The following SRSF10 variants were observed in gnomAD, a reference collection of about 807,000 sequenced individuals.
SRSF10 encodes the protein serine/arginine-rich splicing factor 10.
SRSF10 carries 9 observed loss-of-function variants against 32.6 expected under a neutral mutation model. The observed-to-expected ratio is 0.28, with a 90% CI of 0.17 to 0.48. SRSF10 has a LOEUF of 0.48. Among genes scored for constraint, SRSF10 ranks in the 20% least tolerant of loss-of-function variants. SRSF10 has a pLI of 0.99. For synonymous variants in SRSF10, 105 were observed against 112.4 expected (o/e 0.93, Z 0.42); for missense variants, 201 against 331.8 (o/e 0.61, Z 3.06).
chr1:23,976,783 C>T (rs1642119071), intron 2 of SRSF10: 1 of 152,202 alleles, frequency 6.6e-6, no homozygotes, highest in African/African-American at 2.4e-5. Context: ...CCGAGTATCA[C>T]TCTGATGTCA....
At chr1:23,978,130 C>CT in intron 2 of SRSF10, 3 of 985,270 alleles carry the variant, frequency 3.0e-6, no homozygotes, top group Non-Finnish European at 3.6e-6. Flanking sequence ...TTTATTTTTT[C>CT]TTTTCCCAAA....
At position 23,969,021 on chromosome 1, in the gene SRSF10, T is replaced by C. The variant is rs1257834277; in HGVS notation, c.*2121A>G. The C allele has an allele frequency of 2.8e-6, 2 of 722,324 alleles. No homozygotes were observed. The allele number at this position is 722,324 out of a possible 1,614,324, so 44.7% of individuals were successfully genotyped here. A position where few individuals can be genotyped will look rare whatever the true frequency, so the allele number is the denominator to read the frequency against. On this transcript the variant is annotated 3_prime_UTR_variant, in exon 6 of 6. Coordinates refer to ENST00000492112, the MANE Select transcript of SRSF10 (RefSeq NM_054016.4). ...AAATATTCCTAAATCTATAAAGGAC[T>C]GTTTCCATTGTTATTTTAGAATCAT...
intron 3 of SRSF10, 116 bp from the exon 4 acceptor site, chr1:23,972,128 G>A: frequency 1.1e-6 from 1 of 897,508 alleles, no homozygotes; most frequent in Non-Finnish European, 1.5e-6. Context: ...GAGTATGTAT[G>A]ACCCGGGTGG....
chr1:23,979,774 C>T (rs1642335128), intron 1 of SRSF10, among the ~76,000 whole-genome samples: 1 of 150,184 alleles, frequency 6.7e-6, no homozygotes, highest in Non-Finnish European at 1.5e-5. Flanking sequence ...CCCTCGATCC[C>T]GTTATTTCAT....
Position 23,971,311 on chromosome 1 carries a change from C to G in SRSF10, c.620G>C (p.Gly207Ala). 1.2e-6 allele frequency: 2 copies of G among 1,613,298 alleles called. No individual in the cohort carries two copies. The highest frequency in any genetic ancestry group is 2.2e-5 in the South Asian group (2 of 91,038). The change falls in exon 6 of 6, where the codon GGC (glycine) becomes GCC (alanine). Residue 207 changes from glycine to alanine, a missense_variant. Transcript: ENST00000492112. ...SRSASHTKTR[G>A]TSKTDSKTHY... ...TGTTTTGGAATCTGTTTTAGAGGTG[C>G]CTCTAGTTTTGGTGTGAGATGCAGA...
In SRSF10 at chr1:23,967,786, ATT is replaced by A. The variant is rs1324549406; in HGVS notation, c.*3354_*3355del. ...TTTATTCTTCTCTGTGGTATACAGG[ATT>A]TTGTTAGTTGAACTGGATGTAGCAG... On this transcript the variant is annotated 3_prime_UTR_variant, in exon 6 of 6. Coordinates refer to ENST00000492112, the MANE Select transcript of SRSF10 (RefSeq NM_054016.4). 1 of 1,598,416 alleles carries A rather than the reference ATT, an allele frequency of 6.3e-7. No homozygotes were observed. The highest frequency in any genetic ancestry group is 8.5e-7 in the Non-Finnish European group (1 of 1,171,532).
In SRSF10 at chr1:23,970,974, G is replaced by GTGGC. The variant is rs1641722517; in HGVS notation, c.*164_*167dup. The GTGGC allele has an allele frequency of 7.1e-7, 1 of 1,401,864 alleles. No individual in the cohort carries two copies. The highest frequency in any genetic ancestry group is 9.2e-7 in the Non-Finnish European group (1 of 1,082,888). 86.8% of individuals were successfully genotyped at this position (1,401,864 alleles called of 1,614,324 possible). A position where few individuals can be genotyped will look rare whatever the true frequency, so the allele number is the denominator to read the frequency against. ...CATTAAACAAACTGGACTCTTAAGA[G>GTGGC]TGGCTTCTCAACAGCATATCATTTT... On this transcript the variant is annotated 3_prime_UTR_variant, in exon 6 of 6. Coordinates refer to ENST00000492112, the MANE Select transcript of SRSF10 (RefSeq NM_054016.4).
intron 4 of SRSF10, 75 bp from the exon 5 acceptor site, chr1:23,971,701 T>C (rs1354651981): frequency 1.0e-5 from 16 of 1,538,562 alleles, no homozygotes; most frequent in Middle Eastern, 2.3e-4. Flanking sequence ...AAGCAAACCA[T>C]AAAACTTTTA....
intron 2 of SRSF10, chr1:23,975,358 C>T (rs1232987807): frequency 2.0e-5 from 6 of 305,794 alleles, no homozygotes; most frequent in Admixed American, 4.9e-5. Context: ...ACCAAGTTGT[C>T]CTATCCAAAA....
Position 23,971,387 on chromosome 1 carries a change from G to A in SRSF10, c.544C>T (p.Arg182Trp), listed in dbSNP as rs1214411773. 3.1e-6 allele frequency: 5 copies of A among 1,611,966 alleles called. No individual in the cohort carries two copies. Among genetic ancestry groups the A allele is most frequent in the Admixed American group, 1.7e-5 (1 of 59,880 alleles). The change falls in exon 6 of 6, where the codon CGG (arginine) becomes TGG (tryptophan). Residue 182 changes from arginine to tryptophan, a missense_variant. Around this residue, in one of 3 missense-constraint regions of SRSF10, gnomAD observed 159 missense variants for 196.7 expected, o/e 0.81. Coordinates refer to ENST00000492112, the MANE Select transcript of SRSF10 (RefSeq NM_054016.4). ...FSRSKSNSRS[R>W]SKSQPKKEMK... ...TCTTTCTTGGGCTGGGACTTGGACC[G>A]TGATCTTGAATTGGATTTAGATCTT...
In SRSF10 at chr1:23,970,110, G is replaced by T; in HGVS notation, c.*1032C>A. The T allele has an allele frequency of 1.0e-6, 1 of 985,316 alleles. No individual in the cohort carries two copies. Among genetic ancestry groups the T allele is most frequent in the Non-Finnish European group, 1.2e-6 (1 of 829,880 alleles). 61.0% of individuals were successfully genotyped at this position (985,316 alleles called of 1,614,324 possible). On this transcript the variant is annotated 3_prime_UTR_variant, in exon 6 of 6. Transcript: ENST00000492112. ...GGTCAACAACGCTCCTTAAACTTTA[G>T]AATAACTACATAAGAATATTCCTTT...
At chr1:23,975,106 T>A (rs2148507340) in intron 2 of SRSF10, 29 bp from the exon 3 acceptor site, 1 of 1,566,398 alleles carries the variant, frequency 6.4e-7, no homozygotes, top group East Asian at 2.2e-5. Context: ...CTTGGGAAGT[T>A]TTGCAAACTT....
Position 23,969,399 on chromosome 1 carries a change from G to A in SRSF10, c.*1743C>T, listed in dbSNP as rs1230485842. 1 of 985,514 alleles carries A rather than the reference G, an allele frequency of 1.0e-6. No homozygotes were observed. Among genetic ancestry groups the A allele is most frequent in the Non-Finnish European group, 1.2e-6 (1 of 829,788 alleles). The allele number at this position is 985,514 out of a possible 1,614,324, so 61.0% of individuals were successfully genotyped here. On this transcript the variant is annotated 3_prime_UTR_variant, in exon 6 of 6. Coordinates refer to ENST00000492112, the MANE Select transcript of SRSF10 (RefSeq NM_054016.4). ...TATAAACGATTGCATAGCAGAACAT[G>A]AACATTAACTGCAAACAGTAAAGAA... is the stretch of plus-strand genomic sequence containing the variant.
intron 1 of SRSF10, among the ~76,000 whole-genome samples, chr1:23,979,172 G>A (rs1642273394): frequency 6.7e-6 from 1 of 149,684 alleles, no homozygotes; most frequent in African/African-American, 2.5e-5. Flanking sequence ...CTTAACAGTA[G>A]ATAAATATGG....
Position 23,967,966 on chromosome 1 carries a change from A to C in SRSF10, c.*3176T>G. The C allele has an allele frequency of 6.5e-7, 1 of 1,542,688 alleles. No homozygotes were observed. Among genetic ancestry groups the C allele is most frequent in the Non-Finnish European group, 8.7e-7 (1 of 1,145,192 alleles). ...CTTCTTGCTTACTTGGCTTCAAAAA[A>C]AAAAAAAAAATGCAGAGAGATCTTA... On this transcript the variant is annotated 3_prime_UTR_variant, in exon 6 of 6. Transcript: ENST00000492112.
chr1:23,971,458 GATATA>G lies in SRSF10; in HGVS notation c.492-24_492-20del. ...TTTGAATCTTTCAAAACAGAGGAGA[GATATA>G]ATTAGAGTAAAAATTAGATTCTATA... On this transcript the variant is annotated intron_variant, in intron 5 of 5. Transcript: ENST00000492112. 1 of 1,594,520 alleles carries G rather than the reference GATATA, an allele frequency of 6.3e-7. No individual in the cohort carries two copies. Among genetic ancestry groups the G allele is most frequent in the Non-Finnish European group, 8.5e-7 (1 of 1,174,020 alleles).
Position 23,968,099 on chromosome 1 carries a change from G to A in SRSF10, c.*3043C>T, listed in dbSNP as rs1375672607. 41 of 1,391,624 alleles carry A rather than the reference G, an allele frequency of 2.9e-5. 1 individual carries two copies. In the Middle Eastern group the frequency reaches 7.7e-4, roughly 26 times the overall value. The allele number at this position is 1,391,624 out of a possible 1,614,324, so 86.2% of individuals were successfully genotyped here. The stretch of plus-strand genomic sequence containing the variant: ...CAGTAGGTAAACTCAGTAAGTGGGG[G>A]ACTCAACTACATCACCCAAAACTAA... On this transcript the variant is annotated 3_prime_UTR_variant, in exon 6 of 6. Transcript: ENST00000492112.
Position 23,974,924 on chromosome 1 carries a change from A to G in SRSF10, c.274+50T>C, listed in dbSNP as rs935271810. 8.1e-6 allele frequency: 11 copies of G among 1,354,880 alleles called. 1 individual carries two copies. The African/African-American group carries it at 8.8e-5, about 11-fold the overall frequency. 83.9% of individuals were successfully genotyped at this position (1,354,880 alleles called of 1,614,324 possible). A position where few individuals can be genotyped will look rare whatever the true frequency, so the allele number is the denominator to read the frequency against. On this transcript the variant is annotated intron_variant, in intron 3 of 5. Transcript: ENST00000492112. ...GCTTAAATTCTTAAAAAAAAATCTC[A>G]AAACACTAAAAAATAATGTTTCATA... is the stretch of plus-strand genomic sequence containing the variant.
Position 23,980,230 on chromosome 1 carries a change from T to A in SRSF10, c.26A>T (p.Asn9Ile). ...CACGTTCCTGACGAACAGAGACGTGTTGGGGGGACGCAGGTAGCGGGACAT... is the reference window on the plus strand; with the variant it reads ...CACGTTCCTGACGAACAGAGACGTGATGGGGGGACGCAGGTAGCGGGACAT... MSRYLRPP[N>I]TSLFVRNVAD... is the part of the protein sequence containing the mutation. The change falls in exon 1 of 6, where the codon AAC (asparagine) becomes ATC (isoleucine). Residue 9 changes from asparagine (N) to isoleucine (I), a missense_variant. This residue lies in a region of SRSF10 where 41 missense variants were observed against 109.5 expected (regional missense o/e 0.37). Coordinates refer to ENST00000492112, the MANE Select transcript of SRSF10 (RefSeq NM_054016.4). The A allele has an allele frequency of 6.6e-7, 1 of 1,520,162 alleles. No homozygotes were observed. The allele number at this position is 1,520,162 out of a possible 1,614,324, so 94.2% of individuals were successfully genotyped here. A position where few individuals can be genotyped will look rare whatever the true frequency, so the allele number is the denominator to read the frequency against.
Sources: allele counts gnomAD v4.1 joint callset (sites outside exome capture counted in the v4.1 genomes callset), GRCh38; gene constraint gnomAD v4.1.1; regional missense constraint gnomAD v4.1.1; transcripts MANE v1.5; gene names NCBI Gene and HGNC (gene_info 2026-07-23, HGNC 2026-07-21).